Variants in NCAM1 observed in about 807,000 individuals in gnomAD.
NCAM1 encodes antigen recognized by monoclonal antibody 5.1H11.
Under a neutral mutation model 109.8 loss-of-function variants are expected in NCAM1, and 14 were observed. The observed-to-expected ratio is 0.13, with a 90% CI of 0.08 to 0.20. NCAM1 has a LOEUF of 0.20. NCAM1 is among the 10% of genes least tolerant of loss of function. NCAM1 has a pLI of 1.00. For missense variants in NCAM1, 774 were observed against 1,109.9 expected (o/e 0.70, Z 4.30); for synonymous variants, 418 against 442.9 (o/e 0.94, Z 0.70).
chr11:112,965,894 C>T (rs1555065201), intron 1 of NCAM1, among the ~76,000 whole-genome samples: 2 of 152,090 alleles, frequency 1.3e-5, no homozygotes, highest in Non-Finnish European at 2.9e-5. Context: ...TGATGGAGAG[C>T]AGAACCAATT....
chr11:113,263,640 G>A, intron 17 of NCAM1: 1 of 985,612 alleles, frequency 1.0e-6, no homozygotes, highest in Non-Finnish European at 1.2e-6. Context: ...GTGCCAACAA[G>A]TGTCAGCTTT....
At chr11:113,262,873 A>C (rs781933363) in intron 17 of NCAM1, 5 of 1,613,760 alleles carry the variant, frequency 3.1e-6, no homozygotes, top group Admixed American at 3.3e-5. Context: ...TCTGCATCCT[A>C]CACCTTTGTC....
At chr11:113,221,353 CTT>C in intron 9 of NCAM1, 28 bp downstream of exon 9, 3 of 1,564,018 alleles carry the variant, frequency 1.9e-6, no homozygotes, top group Non-Finnish European at 2.6e-6. Flanking sequence ...ACTAGCCAGT[CTT>C]TAGTTTTGAA....
Position 113,275,401 on chromosome 11 carries a change from C to T in NCAM1, c.*14C>T, listed in dbSNP as rs909888346. 7 of 1,608,588 alleles carry T rather than the reference C, an allele frequency of 4.4e-6. No homozygotes were observed. Among genetic ancestry groups the T allele is most frequent in the African/African-American group, 1.3e-5 (1 of 74,676 alleles). On this transcript the variant is annotated 3_prime_UTR_variant, in exon 20 of 20. Coordinates refer to ENST00000316851, the MANE Select transcript of NCAM1 (RefSeq NM_181351.5). The stretch of plus-strand genomic sequence containing the variant: ...AGCAAAGCATGATGGGTGAAGAGAA[C>T]CGAGCAAAGATCAAAATAAAAAGTG...
intron 1 of NCAM1, among the ~76,000 whole-genome samples, chr11:113,072,196 T>C (rs1555085389): frequency 3.3e-5 from 5 of 152,224 alleles, no homozygotes; most frequent in Non-Finnish European, 5.9e-5. Flanking sequence ...ATAGTTGTGT[T>C]AGCTCTGTTG....
chr11:113,215,989 A>G (rs1944516167), intron 8 of NCAM1, among the ~76,000 whole-genome samples: 1 of 152,186 alleles, frequency 6.6e-6, no homozygotes, highest in African/African-American at 2.4e-5. Context: ...ACAGTGAAGG[A>G]CAGAAATAAT....
Position 113,233,232 on chromosome 11 carries a change from T to G in NCAM1, c.1608T>G (p.Gly536=). 2 of 1,613,710 alleles carry G rather than the reference T, an allele frequency of 1.2e-6. No individual in the cohort carries two copies. The highest frequency in any genetic ancestry group is 1.7e-6 in the Non-Finnish European group (2 of 1,179,834). Residue 536 remains glycine, a synonymous_variant, in exon 13 of 20, where the codon GGT becomes GGG. Coordinates refer to ENST00000316851, the MANE Select transcript of NCAM1 (RefSeq NM_181351.5). This position sits in a 1 kb window ranked among gnomAD's most constrained non-coding sequence, Gnocchi z 4.5. ...QVQFDEPEAT[G]GVPILKYKAE... ...AGTTTGATGAACCAGAGGCCACAGG[T>G]GGGGTGCCCATCCTCAAATACAAAG...
At chr11:113,240,613 T>C (rs1945292657) in intron 14 of NCAM1, 1 of 655,514 alleles carries the variant, frequency 1.5e-6, no homozygotes, top group Non-Finnish European at 2.7e-6. Context: ...GAGAGAGCCC[T>C]GCTCCTCGCT....
intron 1 of NCAM1, among the ~76,000 whole-genome samples, chr11:113,178,469 CA>C (rs1555107442): frequency 6.6e-6 from 1 of 152,210 alleles, no homozygotes; most frequent in Non-Finnish European, 1.5e-5. Flanking sequence ...TGGCACATGC[CA>C]ACCGTCTGGA....
chr11:113,214,284 C>A (rs996854583), intron 7 of NCAM1, 85 bp from the exon 8 acceptor site: 2 of 1,445,890 alleles, frequency 1.4e-6, no homozygotes, highest in African/African-American at 1.4e-5. Context: ...AGACAGCTAA[C>A]CTTTGTTGGA....
At chr11:113,061,672 C>T (rs1937650326) in intron 1 of NCAM1, among the ~76,000 whole-genome samples, 1 of 152,190 alleles carries the variant, frequency 6.6e-6, no homozygotes, top group Non-Finnish European at 1.5e-5. Flanking sequence ...ATCCTGTCCC[C>T]CGTATGTGTA....
intron 1 of NCAM1, among the ~76,000 whole-genome samples, chr11:113,090,512 G>A (rs894990193): frequency 6.6e-6 from 1 of 152,288 alleles, no homozygotes; most frequent in South Asian, 2.1e-4. Flanking sequence ...GGCCAAAGAA[G>A]TAATGATATT....
intron 1 of NCAM1, among the ~76,000 whole-genome samples, chr11:113,111,529 G>A (rs1193938518): frequency 1.3e-5 from 2 of 151,662 alleles, no homozygotes; most frequent in African/African-American, 2.4e-5. Flanking sequence ...TGGACCACAG[G>A]AGGACACACA....
rs1248306709 is a variant in NCAM1, at chr11:113,077,117, C to T, written c.52+115453C>T. On this transcript the variant is annotated intron_variant, in intron 1 of 19. Coordinates refer to ENST00000316851, the MANE Select transcript of NCAM1 (RefSeq NM_181351.5). The stretch of plus-strand genomic sequence containing the variant: ...TAGGGATGCTAGGATGTATCAGACA[C>T]AGCCCCTTCTTTCTAGGAACCTGTA... Among the ~76,000 whole-genome samples, 4 of 152,202 alleles carry T rather than the reference C, an allele frequency of 2.6e-5. No individual in the cohort carries two copies. The East Asian group carries it at 7.7e-4, about 29-fold the overall frequency.
intron 2 of NCAM1, 116 bp downstream of exon 2, chr11:113,202,569 A>T (rs1555112103): frequency 4.5e-6 from 4 of 880,716 alleles, no homozygotes; most frequent in Non-Finnish European, 1.7e-6. Flanking sequence ...AATTCTTGGC[A>T]TTGCTCTATT....
At chr11:113,227,062 G>T (rs1365663847) in intron 9 of NCAM1, among the ~76,000 whole-genome samples, 16 of 147,734 alleles carry the variant, frequency 1.1e-4, no homozygotes, top group Non-Finnish European at 2.4e-4. Flanking sequence ...CTAGCAGAAG[G>T]CAAGAAATAA....
At chr11:112,969,532 C>T (rs17114603) in intron 1 of NCAM1, among the ~76,000 whole-genome samples, 2,025 of 152,048 alleles carry the variant, frequency 0.013, 43 homozygotes, top group African/African-American at 0.046. Flanking sequence ...CTGAAGGAAC[C>T]GTCCTGCCAT....
chr11:113,053,151 T>C (rs904171953), intron 1 of NCAM1, among the ~76,000 whole-genome samples: 1 of 152,208 alleles, frequency 6.6e-6, no homozygotes, highest in Non-Finnish European at 1.5e-5. Context: ...AGTGAGAACA[T>C]GCGGTGTTTG....
At chr11:113,029,577 C>G (rs1210026211) in intron 1 of NCAM1, among the ~76,000 whole-genome samples, 1 of 152,164 alleles carries the variant, frequency 6.6e-6, no homozygotes, top group Non-Finnish European at 1.5e-5. Flanking sequence ...GTTCAGATGA[C>G]AGCAGGAGGA....
Sources: gnomAD v4.1 joint callset for allele counts (sites outside exome capture counted in the v4.1 genomes callset) on GRCh38, gnomAD v4.1.1 for gene constraint, Gnocchi (gnomAD v3.1) non-coding constraint, MANE v1.5 for transcripts, NCBI Gene and HGNC (gene_info 2026-07-23, HGNC 2026-07-21) for gene names.